RBM19: variants seen among roughly 807,000 people sequenced by gnomAD.
The protein encoded by RBM19 is RNA binding motif protein 19.
Under a neutral mutation model 116.8 loss-of-function variants are expected in RBM19, and 94 were observed. The observed-to-expected ratio is 0.80, with a 90% CI of 0.68 to 0.95. RBM19 has a LOEUF of 0.95. Ranked by LOEUF, RBM19 falls within the 40% of genes least tolerant of loss-of-function variation. The pLI, the probability that RBM19 is intolerant of heterozygous loss-of-function variation, is 0.00. For missense variants in RBM19, 1,161 were observed against 1,220.7 expected (o/e 0.95, Z 0.73); for synonymous variants, 475 against 494.1 (o/e 0.96, Z 0.51).
intron 16 of RBM19, among the ~76,000 whole-genome samples, chr12:113,928,637 G>C (rs1344399149): frequency 1.4e-5 from 2 of 145,888 alleles, no homozygotes; most frequent in Non-Finnish European, 3.1e-5. Flanking sequence ...GTGTGTGTGT[G>C]TGTGTGTGTG....
chr12:113,892,497 A>G (rs1881029138), intron 21 of RBM19, among the ~76,000 whole-genome samples: 1 of 152,222 alleles, frequency 6.6e-6, no homozygotes, highest in African/African-American at 2.4e-5. Flanking sequence ...TGAAAGAGTA[A>G]AACTTTGACT....
intron 21 of RBM19, among the ~76,000 whole-genome samples, chr12:113,887,842 C>T (rs1408576351): frequency 6.6e-6 from 1 of 151,624 alleles, no homozygotes; most frequent in Non-Finnish European, 1.5e-5. Context: ...TACCTCAGCC[C>T]CCTGAGTACC....
chr12:113,842,505 C>T (rs576273765), intron 23 of RBM19, among the ~76,000 whole-genome samples: 26 of 152,342 alleles, frequency 1.7e-4, no homozygotes, highest in Admixed American at 1.3e-3. Context: ...TGCCTCAGCT[C>T]GAATATTCCC....
At chr12:113,884,112 C>CAAAAAAAAAAAAAA (rs1273858250) in intron 21 of RBM19, among the ~76,000 whole-genome samples, 3 of 72,024 alleles carry the variant, frequency 4.2e-5, no homozygotes, top group East Asian at 4.0e-4. Context: ...CCATCTCTAC[C>CAAAAAAAAAAAAAA]AAAAAAAAAA....
chr12:113,837,966 A>G (rs542068632), intron 23 of RBM19, among the ~76,000 whole-genome samples: 1 of 152,382 alleles, frequency 6.6e-6, no homozygotes, highest in South Asian at 2.1e-4. Context: ...TAACAAAAAC[A>G]TCACCAAACT....
chr12:113,844,647 A>C (rs1876789543), intron 23 of RBM19, 21 bp downstream of exon 23: 2 of 1,599,970 alleles, frequency 1.3e-6, no homozygotes, highest in Non-Finnish European at 1.7e-6. Flanking sequence ...GAGTCAGCCC[A>C]AAAGACCGTC....
At chr12:113,959,048 G>T (rs919033655) in intron 5 of RBM19, among the ~76,000 whole-genome samples, 164 bp downstream of exon 5, 3 of 152,210 alleles carry the variant, frequency 2.0e-5, no homozygotes, top group African/African-American at 7.2e-5. Flanking sequence ...ACACAACTAG[G>T]ATCAGTGAAG....
At chr12:113,859,920 G>A (rs775949772) in intron 21 of RBM19, among the ~76,000 whole-genome samples, 9 of 152,172 alleles carry the variant, frequency 5.9e-5, no homozygotes, top group Admixed American at 2.6e-4. Flanking sequence ...AGTAAAGGCC[G>A]TAAGCTCTCG....
At position 113,926,433 on chromosome 12, in the gene RBM19, T is replaced by TC. The variant is rs369769844; in HGVS notation, c.2244+620dup. On this transcript the variant is annotated intron_variant, in intron 17 of 23. Coordinates refer to ENST00000261741, the MANE Select transcript of RBM19 (RefSeq NM_016196.4). The stretch of plus-strand genomic sequence containing the variant: ...GCCCAGACTCTAGAAATAAACAGTC[T>TC]CCTGAGGGAGGTGCCACAAATTGGG... 5.5e-3 allele frequency among the ~76,000 whole-genome samples: 834 copies of TC among 152,278 alleles called. 9 individuals carry two copies. Among genetic ancestry groups the TC allele is most frequent in the African/African-American group, 0.019 (784 of 41,544 alleles).
intron 22 of RBM19, among the ~76,000 whole-genome samples, chr12:113,854,408 G>A (rs772339534): frequency 3.3e-5 from 5 of 152,076 alleles, no homozygotes; most frequent in Non-Finnish European, 7.3e-5. Flanking sequence ...CCAGGAGACC[G>A]CTGCATTCAG....
intron 18 of RBM19, among the ~76,000 whole-genome samples, chr12:113,923,026 G>A (rs1038494010): frequency 6.6e-5 from 10 of 152,150 alleles, no homozygotes; most frequent in African/African-American, 2.2e-4. Flanking sequence ...CCCAGCTACT[G>A]GGGAGGCTGA....
At chr12:113,927,595 A>AC (rs1869209784) in intron 16 of RBM19, among the ~76,000 whole-genome samples, 1 of 86,224 alleles carries the variant, frequency 1.2e-5, no homozygotes, top group South Asian at 6.1e-4. Flanking sequence ...AAAAAACAAA[A>AC]AAAAAAAAAC....
At chr12:113,902,104 T>G (rs1450305063) in intron 21 of RBM19, among the ~76,000 whole-genome samples, 1 of 152,208 alleles carries the variant, frequency 6.6e-6, no homozygotes, top group Non-Finnish European at 1.5e-5. Flanking sequence ...CATTAATAAT[T>G]GACCTTATTC....
chr12:113,900,092 G>A (rs1423806714), intron 21 of RBM19, among the ~76,000 whole-genome samples: 1 of 152,188 alleles, frequency 6.6e-6, no homozygotes. Context: ...GCCCACTCTG[G>A]AACCAGTCTA....
At chr12:113,894,077 C>T (rs1881149963) in intron 21 of RBM19, among the ~76,000 whole-genome samples, 1 of 152,164 alleles carries the variant, frequency 6.6e-6, no homozygotes, top group Non-Finnish European at 1.5e-5. Flanking sequence ...CCCTTTTCTA[C>T]CTCTTTCTCT....
At chr12:113,962,089 A>G (rs149708239) in intron 2 of RBM19, 143 bp downstream of exon 2, 13,483 of 1,013,302 alleles carry the variant, frequency 0.013, 131 homozygotes, top group South Asian at 0.026. Context: ...TTGTATGCAC[A>G]TGAAAGTGTG....
chr12:113,820,163 C>G (rs1874318895), downstream of RBM19, among the ~76,000 whole-genome samples: 1 of 150,024 alleles, frequency 6.7e-6, no homozygotes, highest in African/African-American at 2.5e-5. Context: ...GGCATCCAAA[C>G]TTTTGGCTTC....
chr12:113,907,228 A>G (rs1882116461), intron 21 of RBM19, among the ~76,000 whole-genome samples: 1 of 152,116 alleles, frequency 6.6e-6, no homozygotes, highest in Admixed American at 6.5e-5. Context: ...TGTCTTCAGA[A>G]CGCTCATGCC....
intron 22 of RBM19, among the ~76,000 whole-genome samples, chr12:113,857,047 G>A (rs183843776): frequency 1.3e-5 from 2 of 152,292 alleles, no homozygotes; most frequent in Admixed American, 6.5e-5. Flanking sequence ...CATTTCTTAG[G>A]AGCAGAGAGT....
Sources: allele counts gnomAD v4.1 joint callset (sites outside exome capture counted in the v4.1 genomes callset), GRCh38; gene constraint gnomAD v4.1.1; transcripts MANE v1.5; gene names NCBI Gene and HGNC (gene_info 2026-07-23, HGNC 2026-07-21).